Variants in RFC5 observed in about 807,000 individuals in gnomAD.
RFC5 encodes the protein replication factor C subunit 5.
RFC5 carries 26 observed loss-of-function variants against 44.3 expected under a neutral mutation model. That is an observed-to-expected ratio of 0.59 (90% CI 0.43 to 0.81). RFC5 has a LOEUF of 0.81. Among genes scored for constraint, RFC5 ranks in the 40% least tolerant of loss-of-function variants. RFC5 has a pLI of 0.00. For missense variants in RFC5, 328 were observed against 418.6 expected, an observed-to-expected ratio of 0.78 and a Z score of 1.89; for synonymous variants, 155 against 155.2, an observed-to-expected ratio of 1.00 and a Z score of 0.01.
chr12:118,037,084 A>G (rs193203845), downstream of RFC5, among the ~76,000 whole-genome samples: 1 of 152,284 alleles, frequency 6.6e-6, no homozygotes, highest in East Asian at 1.9e-4. Context: ...TGGGAGGTTG[A>G]GGCAGAAGAA....
the RFC5 span, among the ~76,000 whole-genome samples, chr12:118,039,771 T>G: frequency 6.6e-6 from 1 of 151,250 alleles, no homozygotes; most frequent in East Asian, 2.0e-4. Context: ...TGAGACAGAG[T>G]CTTGTTCTGT....
chr12:118,016,909 C>G lies in RFC5; in HGVS notation c.65+17C>G. 2 of 1,609,234 alleles carry G rather than the reference C, an allele frequency of 1.2e-6. No individual in the cohort carries two copies. The highest frequency in any genetic ancestry group is 1.7e-6 in the Non-Finnish European group (2 of 1,176,952). Reference sequence around the variant, plus strand: ...CCTGCCCTGGTAGGAGGAGGCCGAGCGGCGGCGGTGGGCAGAGGGGGCCAG... The same window carrying G: ...CCTGCCCTGGTAGGAGGAGGCCGAGGGGCGGCGGTGGGCAGAGGGGGCCAG... On this transcript the variant is annotated intron_variant, in intron 1 of 10. Coordinates refer to ENST00000454402, the MANE Select transcript of RFC5 (RefSeq NM_007370.7).
chr12:118,019,197 T>C lies in RFC5; in HGVS notation c.130+61T>C, dbSNP rs2137690591. On this transcript the variant is annotated intron_variant, in intron 2 of 10. Coordinates refer to ENST00000454402, the MANE Select transcript of RFC5 (RefSeq NM_007370.7). This position sits in a 1 kb window ranked among gnomAD's most constrained non-coding sequence, Gnocchi z 4.2. Reference sequence around the variant, plus strand: ...TGAGCGACTTGTATAAATTGCTTGGTGATGTTGTCTCTCCTAAGTAATAAC... The same window carrying C: ...TGAGCGACTTGTATAAATTGCTTGGCGATGTTGTCTCTCCTAAGTAATAAC... The C allele has an allele frequency of 8.5e-7, 1 of 1,171,718 alleles. No homozygotes were observed. Among genetic ancestry groups the C allele is most frequent in the Non-Finnish European group, 1.3e-6 (1 of 779,836 alleles). 72.6% of individuals were successfully genotyped at this position (1,171,718 alleles called of 1,614,324 possible). A position where few individuals can be genotyped will look rare whatever the true frequency, so the allele number is the denominator to read the frequency against.
chr12:118,034,734 T>C (rs115684937), downstream of RFC5: 1,104 of 537,792 alleles, frequency 2.1e-3, 9 homozygotes, highest in African/African-American at 0.019. Flanking sequence ...TCATCTCAAT[T>C]TTATTCTCCC....
At chr12:118,022,406 A>G in intron 5 of RFC5, 47 bp downstream of exon 5, 1 of 1,238,968 alleles carries the variant, frequency 8.1e-7, no homozygotes, top group South Asian at 1.2e-5. Flanking sequence ...GCACACTGGA[A>G]GGAGAATTAG....
downstream of RFC5, chr12:118,033,273 G>A (rs1333656100): frequency 1.3e-5 from 2 of 152,560 alleles, no homozygotes; most frequent in East Asian, 1.9e-4. Flanking sequence ...GACAGATCTC[G>A]TACATAAGAG....
At chr12:118,024,087 A>G (rs1229000086) in intron 5 of RFC5, among the ~76,000 whole-genome samples, 1 of 152,056 alleles carries the variant, frequency 6.6e-6, no homozygotes, top group Non-Finnish European at 1.5e-5. Context: ...ACAGTGGCTC[A>G]TGCCTGTAAT....
At chr12:118,020,795 A>G (rs1337865098) in intron 3 of RFC5, 111 bp from the exon 4 acceptor site, 2 of 591,410 alleles carry the variant, frequency 3.4e-6, no homozygotes, top group Non-Finnish European at 6.0e-6. Flanking sequence ...ATCATTAGAC[A>G]TAGAGAGCTA....
downstream of RFC5, chr12:118,034,851 A>C (rs1284392730): frequency 9.3e-6 from 7 of 749,430 alleles, no homozygotes; most frequent in Non-Finnish European, 1.3e-5. Context: ...CGATCATTTG[A>C]GTTTTATATA....
chr12:118,029,410 G>A (rs371330852), intron 9 of RFC5, among the ~76,000 whole-genome samples: 7 of 152,340 alleles, frequency 4.6e-5, no homozygotes, highest in African/African-American at 1.7e-4. Context: ...GCAAGACAGT[G>A]AGACCCCGTC....
At chr12:118,021,977 G>C (rs1306539482) in intron 4 of RFC5, among the ~76,000 whole-genome samples, 3 of 152,040 alleles carry the variant, frequency 2.0e-5, no homozygotes, top group Admixed American at 6.6e-5. Context: ...AAAAGGGTGA[G>C]GGACTCAGGC....
the RFC5 span, among the ~76,000 whole-genome samples, chr12:118,041,349 C>T: frequency 6.6e-6 from 1 of 152,154 alleles, no homozygotes. Flanking sequence ...GTTTACAAGC[C>T]AGGCAGCAGG....
At chr12:118,036,503 A>G (rs1186812820), downstream of RFC5, 1 of 1,611,616 alleles carries the variant, frequency 6.2e-7, no homozygotes, top group Non-Finnish European at 8.5e-7. Context: ...CATGCTCCAT[A>G]GAAAGACCTG....
downstream of RFC5, chr12:118,036,646 T>G: frequency 6.7e-6 from 6 of 892,812 alleles, no homozygotes; most frequent in East Asian, 2.5e-5. Context: ...TCTACAGCTC[T>G]TCCAGAACGT....
downstream of RFC5, chr12:118,034,873 C>T: frequency 1.1e-6 from 1 of 948,292 alleles, no homozygotes; most frequent in Non-Finnish European, 1.6e-6. Context: ...TCTTGAATTG[C>T]CTTAAAGCTT....
chr12:118,034,375 AC>A, downstream of RFC5: 2 of 1,612,390 alleles, frequency 1.2e-6, no homozygotes, highest in South Asian at 1.1e-5. Context: ...TGAAACAGAA[AC>A]CGATGCTAAG....
downstream of RFC5, chr12:118,033,381 A>G (rs979809608): frequency 3.3e-5 from 5 of 152,628 alleles, no homozygotes; most frequent in Admixed American, 2.6e-4. Flanking sequence ...AATCGAGAAA[A>G]ACACAGTTGT....
At chr12:118,035,008 G>T (rs1234761017), downstream of RFC5, 3 of 1,614,086 alleles carry the variant, frequency 1.9e-6, no homozygotes, top group East Asian at 6.7e-5. Context: ...ACTCCACCAT[G>T]TGGAAAAAAT....
At chr12:118,018,304 CA>C (rs1308160573) in intron 1 of RFC5, among the ~76,000 whole-genome samples, 1 of 152,142 alleles carries the variant, frequency 6.6e-6, no homozygotes, top group Non-Finnish European at 1.5e-5. Flanking sequence ...TATAGGCAAA[CA>C]GCTGGAAAGA....
Sources: gnomAD v4.1 joint callset for allele counts (sites outside exome capture counted in the v4.1 genomes callset) on GRCh38, gnomAD v4.1.1 for gene constraint, Gnocchi (gnomAD v3.1) non-coding constraint, MANE v1.5 for transcripts, NCBI Gene and HGNC (gene_info 2026-07-23, HGNC 2026-07-21) for gene names.